Variants in PHACTR1 observed in about 807,000 individuals in gnomAD.
PHACTR1 encodes the protein RPEL repeat containing 1.
PHACTR1 carries 16 observed loss-of-function variants against 69.2 expected under a neutral mutation model. That is an observed-to-expected ratio of 0.23 (90% CI 0.16 to 0.35). PHACTR1 has a LOEUF of 0.35. Among genes scored for constraint, PHACTR1 ranks in the 10% least tolerant of loss-of-function variants. The pLI, the probability that PHACTR1 is intolerant of heterozygous loss-of-function variation, is 1.00. For missense variants in PHACTR1, 510 were observed against 734.7 expected (o/e 0.69, Z 3.54); for synonymous variants, 312 against 284.5 (o/e 1.10, Z -0.97).
rs2127504560 is a variant in PHACTR1, at chr6:13,287,345, T to C, written c.*267T>C. The C allele has an allele frequency of 2.0e-6, 1 of 509,928 alleles. No individual in the cohort carries two copies. The highest frequency in any genetic ancestry group is 3.6e-5 in the East Asian group (1 of 28,102). 31.6% of individuals were successfully genotyped at this position (509,928 alleles called of 1,614,324 possible). A position where few individuals can be genotyped will look rare whatever the true frequency, so the allele number is the denominator to read the frequency against. On this transcript the variant is annotated 3_prime_UTR_variant, in exon 15 of 15. Transcript: ENST00000332995. ...AGTGCCAAGGGCACCAGCAGGGCCC[T>C]GACTGAAGACTGTCTGGCAGGTGGA...
chr6:12,742,812 C>T (rs946274780), intron 3 of PHACTR1, among the ~76,000 whole-genome samples: 1 of 152,094 alleles, frequency 6.6e-6, no homozygotes, highest in African/African-American at 2.4e-5. Flanking sequence ...ACAAAGCATA[C>T]ATATGGCAAG....
At chr6:13,261,587 G>C (rs1359525502) in intron 10 of PHACTR1, among the ~76,000 whole-genome samples, 2 of 152,240 alleles carry the variant, frequency 1.3e-5, no homozygotes, top group Non-Finnish European at 2.9e-5. Flanking sequence ...CACCTGCTCA[G>C]ATTCTATGGA....
chr6:12,968,648 A>G (rs772009365), intron 4 of PHACTR1, among the ~76,000 whole-genome samples: 5 of 152,178 alleles, frequency 3.3e-5, no homozygotes, highest in Non-Finnish European at 7.3e-5. Flanking sequence ...TTTTTTTGTC[A>G]CTAAAATGCG....
chr6:12,978,121 C>T (rs1274674199), intron 4 of PHACTR1, among the ~76,000 whole-genome samples: 1 of 152,126 alleles, frequency 6.6e-6, no homozygotes, highest in African/African-American at 2.4e-5. Flanking sequence ...GAAATCCAAC[C>T]GCATCCTGCC....
intron 4 of PHACTR1, among the ~76,000 whole-genome samples, chr6:12,961,356 A>G (rs1463417865): frequency 1.3e-5 from 2 of 152,238 alleles, no homozygotes; most frequent in African/African-American, 4.8e-5. Context: ...AAAAAGAAGA[A>G]GGAGTGGAAT....
intron 5 of PHACTR1, among the ~76,000 whole-genome samples, chr6:13,108,261 T>C (rs1363868933): frequency 6.8e-6 from 1 of 146,562 alleles, no homozygotes; most frequent in East Asian, 1.9e-4. Context: ...ATTGCAGACA[T>C]TTTAAATTTA....
intron 4 of PHACTR1, among the ~76,000 whole-genome samples, chr6:12,767,086 G>A (rs1768714821): frequency 6.6e-6 from 1 of 152,166 alleles, no homozygotes; most frequent in African/African-American, 2.4e-5. Flanking sequence ...ATTGCCTTTT[G>A]CAGTCCATTC....
intron 4 of PHACTR1, among the ~76,000 whole-genome samples, chr6:12,961,871 C>T (rs1399981821): frequency 1.3e-5 from 2 of 152,174 alleles, no homozygotes; most frequent in Non-Finnish European, 2.9e-5. Context: ...CATCCTCCCA[C>T]ATAGTTGTCC....
At chr6:12,992,654 C>T (rs1227618386) in intron 4 of PHACTR1, among the ~76,000 whole-genome samples, 1 of 151,938 alleles carries the variant, frequency 6.6e-6, no homozygotes, top group Non-Finnish European at 1.5e-5. Context: ...TTGCCTTATG[C>T]CAAGGAAATT....
Position 12,763,215 on chromosome 6 carries a change from AAACAACAACAAC to A in PHACTR1, c.250+13455_250+13466del, listed in dbSNP as rs71701647. On this transcript the variant is annotated intron_variant, in intron 4 of 14. Transcript: ENST00000332995. ...GCAACAAGGTGAAACTCCGTCTCAA[AAACAACAACAAC>A]AACAACAACAACAACAACAACAACA... is the stretch of plus-strand genomic sequence containing the variant. Among the ~76,000 whole-genome samples, 99 of 150,104 alleles carry A rather than the reference AAACAACAACAAC, an allele frequency of 6.6e-4. 1 individual carries two copies. Among genetic ancestry groups the A allele is most frequent in the East Asian group, 3.8e-3 (19 of 5,030 alleles).
intron 4 of PHACTR1, among the ~76,000 whole-genome samples, chr6:12,984,327 T>G (rs989382412): frequency 6.6e-6 from 1 of 152,104 alleles, no homozygotes; most frequent in African/African-American, 2.4e-5. Context: ...AGTGTGGCCT[T>G]TTTTGTTGTT....
chr6:12,770,431 A>G lies in PHACTR1; in HGVS notation c.250+20641A>G, dbSNP rs544943566. 5.9e-5 allele frequency among the ~76,000 whole-genome samples: 9 copies of G among 152,262 alleles called. No individual in the cohort carries two copies. The South Asian group carries it at 1.9e-3, about 32-fold the overall frequency. Reference sequence around the variant, plus strand: ...AATGAAGAGGCTGGCCCAGTCTGGGAGAGTGAGGGATCTTTAGACAGGAAG... The same window carrying G: ...AATGAAGAGGCTGGCCCAGTCTGGGGGAGTGAGGGATCTTTAGACAGGAAG... On this transcript the variant is annotated intron_variant, in intron 4 of 14. Coordinates refer to ENST00000332995, the MANE Select transcript of PHACTR1 (RefSeq NM_030948.6).
chr6:13,129,062 A>G (rs945838652), intron 5 of PHACTR1, among the ~76,000 whole-genome samples: 16 of 152,210 alleles, frequency 1.1e-4, no homozygotes, highest in African/African-American at 3.1e-4. Context: ...TAAGTTTCAT[A>G]AATGAAGGAG....
intron 4 of PHACTR1, among the ~76,000 whole-genome samples, chr6:12,793,288 G>C (rs1406584511): frequency 6.6e-6 from 1 of 152,136 alleles, no homozygotes; most frequent in African/African-American, 2.4e-5. Context: ...ATAAAATCTT[G>C]TAAATGCAAA....
chr6:12,852,657 C>T (rs1057334094), intron 4 of PHACTR1, among the ~76,000 whole-genome samples: 2 of 152,166 alleles, frequency 1.3e-5, no homozygotes, highest in Non-Finnish European at 2.9e-5. Context: ...GGCCTAAAGC[C>T]TTCCAATATC....
At chr6:12,954,216 T>C (rs1791616485) in intron 4 of PHACTR1, among the ~76,000 whole-genome samples, 1 of 151,954 alleles carries the variant, frequency 6.6e-6, no homozygotes, top group Non-Finnish European at 1.5e-5. Context: ...TCAAAGACTG[T>C]GCAGCAAAGA....
intron 4 of PHACTR1, among the ~76,000 whole-genome samples, chr6:13,012,524 G>T (rs957147239): frequency 6.6e-6 from 1 of 152,238 alleles, no homozygotes; most frequent in Non-Finnish European, 1.5e-5. Context: ...AGGGTGGAAA[G>T]AACACAGGCT....
chr6:12,759,521 AG>A (rs1280408908), intron 4 of PHACTR1, among the ~76,000 whole-genome samples: 1 of 152,098 alleles, frequency 6.6e-6, no homozygotes, highest in Non-Finnish European at 1.5e-5. Context: ...ACATGAGTCA[AG>A]GTGAAAAAGA....
intron 4 of PHACTR1, among the ~76,000 whole-genome samples, chr6:12,819,897 G>A (rs1351869973): frequency 6.6e-6 from 1 of 152,198 alleles, no homozygotes; most frequent in East Asian, 1.9e-4. Flanking sequence ...GATTATCAAG[G>A]TACCAGAACT....
Sources: gnomAD v4.1 joint callset for allele counts (sites outside exome capture counted in the v4.1 genomes callset) on GRCh38, gnomAD v4.1.1 for gene constraint, MANE v1.5 for transcripts, NCBI Gene and HGNC (gene_info 2026-07-23, HGNC 2026-07-21) for gene names.